Variants in PKD1L1 observed in about 807,000 individuals in gnomAD.
The protein encoded by PKD1L1 is polycystin-1-like protein 1.
In PKD1L1, 236 loss-of-function variants were observed where a neutral mutation model predicts 323.4. The ratio of observed to expected loss-of-function variants is 0.73; its 90% CI spans 0.66 to 0.81. The LOEUF is 0.81. Among genes scored for constraint, PKD1L1 ranks in the 40% least tolerant of loss-of-function variants. PKD1L1 has a pLI of 0.00. For missense variants in PKD1L1, 3,320 were observed against 3,508.0 expected, an observed-to-expected ratio of 0.95 and a Z score of 1.35; for synonymous variants, 1,344 against 1,335.0, an observed-to-expected ratio of 1.01 and a Z score of -0.15.
At chr7:47,950,673 G>A (rs1273393930), upstream of PKD1L1, among the ~76,000 whole-genome samples, 3 of 151,524 alleles carry the variant, frequency 2.0e-5, no homozygotes, top group Non-Finnish European at 4.4e-5. Flanking sequence ...TCGTGCCATT[G>A]CACTCCAGCC....
intron 54 of PKD1L1, among the ~76,000 whole-genome samples, chr7:47,796,550 T>C (rs1244508250): frequency 6.6e-6 from 1 of 152,206 alleles, no homozygotes; most frequent in Non-Finnish European, 1.5e-5. Context: ...AGAAAGGGTC[T>C]TGGGCTCAGC....
intron 36 of PKD1L1, among the ~76,000 whole-genome samples, chr7:47,838,434 C>T (rs1785500741): frequency 6.6e-6 from 1 of 152,192 alleles, no homozygotes; most frequent in South Asian, 2.1e-4. Flanking sequence ...TGAAAGTTCC[C>T]ACAATGTTGT....
chr7:47,901,738 C>A (rs1787094098), intron 13 of PKD1L1, among the ~76,000 whole-genome samples: 1 of 152,214 alleles, frequency 6.6e-6, no homozygotes, highest in African/African-American at 2.4e-5. Flanking sequence ...TGCGGGCTGA[C>A]CTCTTGGGGT....
intron 51 of PKD1L1, 159 bp downstream of exon 51, chr7:47,809,314 G>A (rs1308500569): frequency 1.7e-6 from 1 of 586,844 alleles, no homozygotes; most frequent in Non-Finnish European, 2.9e-6. Flanking sequence ...AATGATACCT[G>A]ATCTCAAATG....
chr7:47,958,168 G>A, the PKD1L1 span, among the ~76,000 whole-genome samples: 1 of 152,020 alleles, frequency 6.6e-6, no homozygotes, highest in Non-Finnish European at 1.5e-5. Context: ...CAAAGCTGGA[G>A]GCATCATAAT....
rs200927742 is a variant in PKD1L1 at position 47,902,314 on chromosome 7, G to A, written c.2064+65C>T. ...CCCCAAACTCTCACCACTCCAAACAGTGGTCCCAACTCAGAGGGAGGCTGA... is the reference window on the plus strand; with the variant it reads ...CCCCAAACTCTCACCACTCCAAACAATGGTCCCAACTCAGAGGGAGGCTGA... On this transcript the variant is annotated intron_variant, in intron 13 of 56. Transcript: ENST00000289672. The A allele has an allele frequency of 7.3e-4, 1,147 of 1,579,332 alleles. 8 individuals carry two copies. Among genetic ancestry groups the A allele is most frequent in the Middle Eastern group, 4.7e-3 (23 of 4,908 alleles).
chr7:47,908,338 A>T, intron 8 of PKD1L1, 88 bp from the exon 9 acceptor site: 1 of 1,252,146 alleles, frequency 8.0e-7, no homozygotes, highest in Non-Finnish European at 1.1e-6. Context: ...AAATGGGGTG[A>T]TTAATATGGG....
At chr7:47,856,905 G>A (rs1039432590) in intron 28 of PKD1L1, among the ~76,000 whole-genome samples, 9 of 144,012 alleles carry the variant, frequency 6.2e-5, no homozygotes, top group South Asian at 2.1e-4. Flanking sequence ...GACTGGGGTC[G>A]GGGGCTACAG....
intron 1 of PKD1L1, among the ~76,000 whole-genome samples, chr7:47,944,531 A>T (rs1163629325): frequency 6.6e-6 from 1 of 152,240 alleles, no homozygotes; most frequent in Non-Finnish European, 1.5e-5. Context: ...CATCAGTGAG[A>T]GGCAGAGCCA....
chr7:47,851,637 G>A (rs1172994514), intron 31 of PKD1L1, among the ~76,000 whole-genome samples: 1 of 152,098 alleles, frequency 6.6e-6, no homozygotes, highest in Non-Finnish European at 1.5e-5. Context: ...GGTCTCAAAA[G>A]TATCATCTCA....
intron 21 of PKD1L1, among the ~76,000 whole-genome samples, chr7:47,879,511 T>C (rs62447074): frequency 0.36 from 53,677 of 149,418 alleles, 10,900 homozygotes; most frequent in African/African-American, 0.56. Context: ...CAGGCAGCTG[T>C]AATCCCAGTT....
At chr7:47,870,648 T>C (rs1786262489) in intron 24 of PKD1L1, among the ~76,000 whole-genome samples, 1 of 152,210 alleles carries the variant, frequency 6.6e-6, no homozygotes, top group African/African-American at 2.4e-5. Context: ...ATAACTTTGC[T>C]GGTAAATGTT....
chr7:47,935,191 A>G (rs1050934487), intron 4 of PKD1L1, among the ~76,000 whole-genome samples: 2 of 152,242 alleles, frequency 1.3e-5, no homozygotes, highest in African/African-American at 4.8e-5. Flanking sequence ...TCTCAAAAAT[A>G]AGCTGCGAAA....
At chr7:47,830,443 A>T (rs1486536963) in intron 42 of PKD1L1, among the ~76,000 whole-genome samples, 1 of 152,248 alleles carries the variant, frequency 6.6e-6, no homozygotes, top group African/African-American at 2.4e-5. Flanking sequence ...TAATAATAGC[A>T]GCAACAACAA....
rs885338 is a variant in PKD1L1 at position 47,932,029 on chromosome 7, G to A, written c.426C>T (p.Ile142=). The A allele has an allele frequency of 0.11, 180,568 of 1,611,678 alleles. 11,097 individuals carry two copies. Among genetic ancestry groups the A allele is most frequent in the East Asian group, 0.24 (10,710 of 44,760 alleles). Residue 142 remains isoleucine, a synonymous_variant, in exon 5 of 57, where the codon ATC becomes ATT. Coordinates refer to ENST00000289672, the MANE Select transcript of PKD1L1 (RefSeq NM_138295.5). The stretch of plus-strand genomic sequence containing the variant: ...GGCCACCACTGCTCCAGGCCCTTGC[G>A]ATTATAATGAAAGGTTTGTGGGGAA... ...DRIPHKPFII[I]ARAWSSGGPR... is the part of the protein sequence containing the mutation.
intron 30 of PKD1L1, 73 bp downstream of exon 30, chr7:47,854,809 T>A: frequency 6.6e-7 from 1 of 1,517,688 alleles, no homozygotes; most frequent in Non-Finnish European, 9.0e-7. Context: ...ATTCACTGAT[T>A]TTTTGTCACA....
rs1784940862 is a variant in PKD1L1 at position 47,813,246 on chromosome 7, A to C, written c.7221T>G (p.Cys2407Trp). ...TCTCAGGGCCTCCAACTTCGGGACT[A>C]CATGTAGGAATAGAGTCTTCGATGA... ...SALIEDSIPT[C>W]SPEVGGPENP... The change falls in exon 49 of 57, where the codon TGT (cysteine) becomes TGG (tryptophan). Residue 2407 changes from cysteine (C) to tryptophan (W), a missense_variant. By Grantham distance (215) the Cys-to-Trp change is radical. Transcript: ENST00000289672. 6.2e-7 allele frequency: 1 copy of C among 1,614,072 alleles called. No homozygotes were observed. Among genetic ancestry groups the C allele is most frequent in the Non-Finnish European group, 8.5e-7 (1 of 1,180,040 alleles).
At chr7:47,879,380 C>T (rs945303958) in intron 21 of PKD1L1, among the ~76,000 whole-genome samples, 2 of 152,126 alleles carry the variant, frequency 1.3e-5, no homozygotes, top group Admixed American at 6.5e-5. Context: ...GCAATCTCAG[C>T]ACTTGTGGAG....
rs369120107 is a variant in PKD1L1, at chr7:47,936,819, A to G, written c.398+27T>C. The stretch of plus-strand genomic sequence containing the variant: ...TGTCATTTGCATGTTCAGAAAAGCA[A>G]TATTTCGCCATGGTACATTGACATA... On this transcript the variant is annotated intron_variant, in intron 4 of 56. Transcript: ENST00000289672. 3.0e-5 allele frequency: 45 copies of G among 1,503,628 alleles called. No homozygotes were observed. The African/African-American group carries it at 4.2e-4, about 14-fold the overall frequency. 93.1% of individuals were successfully genotyped at this position (1,503,628 alleles called of 1,614,324 possible).
Sources: allele counts gnomAD v4.1 joint callset (sites outside exome capture counted in the v4.1 genomes callset), GRCh38; gene constraint gnomAD v4.1.1; transcripts MANE v1.5; gene names NCBI Gene and HGNC (gene_info 2026-07-23, HGNC 2026-07-21).